Variants in PPP6R3 observed in about 807,000 individuals in gnomAD.
PPP6R3 encodes protein phosphatase 6 regulatory subunit 3, also known as serine/threonine-protein phosphatase 6 regulatory subunit 3.
In PPP6R3, 38 loss-of-function variants were observed where a neutral mutation model predicts 110.7. The ratio of observed to expected loss-of-function variants is 0.34; its 90% CI spans 0.26 to 0.45. PPP6R3 has a LOEUF of 0.45. PPP6R3 is among the 20% of genes least tolerant of loss of function. The pLI is 1.00. For synonymous variants in PPP6R3, 369 were observed against 373.5 expected (o/e 0.99, Z 0.14); for missense variants, 870 against 1,062.4 (o/e 0.82, Z 2.52).
chr11:68,507,403 A>G (rs1358720697), intron 1 of PPP6R3, among the ~76,000 whole-genome samples: 5 of 152,112 alleles, frequency 3.3e-5, no homozygotes, highest in Non-Finnish European at 7.4e-5. Context: ...GCCTCTGAAG[A>G]CATGGGAATT....
At chr11:68,462,991 G>A (rs183209525) in intron 1 of PPP6R3, among the ~76,000 whole-genome samples, 1 of 152,278 alleles carries the variant, frequency 6.6e-6, no homozygotes, top group East Asian at 1.9e-4. Flanking sequence ...TAGTTTCAAT[G>A]AACTAATTGA....
chr11:68,463,293 T>C (rs1278083373), intron 1 of PPP6R3, among the ~76,000 whole-genome samples: 1 of 136,818 alleles, frequency 7.3e-6, no homozygotes, highest in African/African-American at 2.8e-5. Context: ...CGCTTAAACC[T>C]GGGAGGCGGA....
rs754339144 is a variant in PPP6R3 at position 68,548,059 on chromosome 11, T to C, written c.415-8T>C. On this transcript the variant is annotated splice_region_variant and splice_polypyrimidine_tract_variant and intron_variant, in intron 4 of 23. Transcript: ENST00000393800. ...ATGTCTTTCAGTTTCTGATCTGTTCTTCTCTAGATTGTGGATTTCTTAAAG... is the reference window on the plus strand; with the variant it reads ...ATGTCTTTCAGTTTCTGATCTGTTCCTCTCTAGATTGTGGATTTCTTAAAG... 4 of 1,611,538 alleles carry C rather than the reference T, an allele frequency of 2.5e-6. No individual in the cohort carries two copies. The highest frequency in any genetic ancestry group is 3.4e-6 in the Non-Finnish European group (4 of 1,178,672).
intron 20 of PPP6R3, 101 bp downstream of exon 20, chr11:68,600,595 G>C: frequency 1.5e-6 from 2 of 1,343,966 alleles, no homozygotes; most frequent in Non-Finnish European, 2.0e-6. Flanking sequence ...TGACTTCCAA[G>C]TTGAATATAC....
chr11:68,491,173 C>G (rs1319838648), intron 1 of PPP6R3, among the ~76,000 whole-genome samples: 1 of 151,944 alleles, frequency 6.6e-6, no homozygotes. Context: ...GGTGACAAAG[C>G]GAGATCCTGT....
intron 1 of PPP6R3, among the ~76,000 whole-genome samples, chr11:68,496,593 C>G (rs2099017609): frequency 6.6e-6 from 1 of 151,834 alleles, no homozygotes. Context: ...GTGCCTCAGC[C>G]TCCTGAGTAG....
At chr11:68,578,461 C>T (rs2099540500) in intron 14 of PPP6R3, among the ~76,000 whole-genome samples, 2 of 152,198 alleles carry the variant, frequency 1.3e-5, no homozygotes. Context: ...ATTAGATACA[C>T]TGCCTTGACT....
At chr11:68,598,080 A>G (rs915453156) in intron 19 of PPP6R3, among the ~76,000 whole-genome samples, 10 of 152,094 alleles carry the variant, frequency 6.6e-5, no homozygotes, top group African/African-American at 2.4e-4. Flanking sequence ...CCATTAAACA[A>G]TTCCTCATTT....
At chr11:68,493,594 G>C (rs1396750205) in intron 1 of PPP6R3, among the ~76,000 whole-genome samples, 1 of 136,538 alleles carries the variant, frequency 7.3e-6, no homozygotes, top group Non-Finnish European at 1.5e-5. Flanking sequence ...ATCATGCTTG[G>C]GGTAAAAAAA....
intron 1 of PPP6R3, among the ~76,000 whole-genome samples, chr11:68,489,395 T>C (rs2153428031): frequency 6.6e-6 from 1 of 152,274 alleles, no homozygotes; most frequent in Non-Finnish European, 1.5e-5. Flanking sequence ...TTGTTAAACT[T>C]TTTTTAGCTT....
At chr11:68,594,515 T>G (rs777487064) in intron 18 of PPP6R3, among the ~76,000 whole-genome samples, 9 of 152,002 alleles carry the variant, frequency 5.9e-5, no homozygotes, top group Non-Finnish European at 1.2e-4. Context: ...AAGAAAAAAT[T>G]TAAATATGTA....
intron 6 of PPP6R3, among the ~76,000 whole-genome samples, chr11:68,551,491 CT>C (rs1490894468): frequency 6.6e-6 from 1 of 151,592 alleles, no homozygotes; most frequent in African/African-American, 2.4e-5. Flanking sequence ...CTCCTTTTTA[CT>C]TTTTTTTTCC....
rs1207041947 is a variant in PPP6R3, at chr11:68,537,751, T to C, written c.87T>C (p.Asp29=). The change falls in exon 3 of 24, where the codon GAT becomes GAC. Residue 29 remains aspartate, a synonymous_variant. Transcript: ENST00000393800. The part of the protein sequence containing the change: ...REDVTLKELM[D]EEDVLQECKA... ...ATGTAACACTGAAGGAGTTAATGGA[T>C]GAGGAAGATGTTTTACAGGAATGTA... 2.5e-6 allele frequency: 4 copies of C among 1,612,728 alleles called. No individual in the cohort carries two copies. The South Asian group carries it at 4.4e-5, about 18-fold the overall frequency.
At chr11:68,527,029 A>G (rs964647708) in intron 2 of PPP6R3, among the ~76,000 whole-genome samples, 1 of 152,216 alleles carries the variant, frequency 6.6e-6, no homozygotes, top group African/African-American at 2.4e-5. Context: ...TGGAGTTAGT[A>G]CAGGGTGTAT....
intron 1 of PPP6R3, among the ~76,000 whole-genome samples, chr11:68,513,575 A>C (rs1415728245): frequency 6.6e-6 from 1 of 152,238 alleles, no homozygotes; most frequent in Non-Finnish European, 1.5e-5. Flanking sequence ...CAAGTGCAAC[A>C]GGTGTTTCGA....
chr11:68,566,384 C>T (rs1321198648), intron 9 of PPP6R3, among the ~76,000 whole-genome samples: 2 of 151,676 alleles, frequency 1.3e-5, no homozygotes, highest in East Asian at 1.9e-4. Flanking sequence ...TTTTTTGAGA[C>T]AGTGTCTCAC....
intron 7 of PPP6R3, among the ~76,000 whole-genome samples, chr11:68,557,227 G>C (rs2099402995): frequency 6.6e-6 from 1 of 152,178 alleles, no homozygotes; most frequent in African/African-American, 2.4e-5. Flanking sequence ...TACTCTTTTG[G>C]TGAGAGATCT....
intron 20 of PPP6R3, 150 bp downstream of exon 20, chr11:68,600,644 C>A: frequency 7.1e-6 from 6 of 842,092 alleles, no homozygotes; most frequent in Non-Finnish European, 1.1e-5. Context: ...ACTAACACAG[C>A]TCTGTGTTGT....
intron 12 of PPP6R3, among the ~76,000 whole-genome samples, chr11:68,572,946 G>GT (rs11292703): frequency 1.6e-4 from 24 of 146,530 alleles, no homozygotes; most frequent in East Asian, 6.0e-4. Flanking sequence ...AGCATAGGAT[G>GT]TTTTTTTTTT....
Sources: allele counts gnomAD v4.1 joint callset (sites outside exome capture counted in the v4.1 genomes callset), GRCh38; gene constraint gnomAD v4.1.1; transcripts MANE v1.5; gene names NCBI Gene and HGNC (gene_info 2026-07-23, HGNC 2026-07-21).